Variants in GPAT2 observed in about 807,000 individuals in gnomAD.
GPAT2 encodes the protein glycerol-3-phosphate acyltransferase 2, mitochondrial.
In GPAT2, 51 loss-of-function variants were observed where a neutral mutation model predicts 71.0. The ratio of observed to expected loss-of-function variants is 0.72; its 90% CI spans 0.57 to 0.91. The LOEUF (loss-of-function observed/expected upper bound fraction) is 0.91, where lower values mean the gene tolerates loss of function less well. Among genes scored for constraint, GPAT2 ranks in the 40% least tolerant of loss-of-function variants. The pLI is 0.00. For missense variants in GPAT2, 511 were observed against 666.0 expected (o/e 0.77, Z 2.56); for synonymous variants, 222 against 290.3 (o/e 0.76, Z 2.39).
chr2:96,025,742 C>T, intron 12 of GPAT2, 139 bp from the exon 13 acceptor site: 1 of 1,417,990 alleles, frequency 7.1e-7, no homozygotes, highest in Non-Finnish European at 9.7e-7. Flanking sequence ...ACCCCCAGTC[C>T]CATCCAGGCC....
chr2:96,023,100 C>A lies in GPAT2; in HGVS notation c.2167+6G>T. The A allele has an allele frequency of 6.2e-7, 1 of 1,613,190 alleles. No homozygotes were observed. Among genetic ancestry groups the A allele is most frequent in the Non-Finnish European group, 8.5e-7 (1 of 1,179,288 alleles). On this transcript the variant is annotated splice_donor_region_variant and intron_variant, in intron 19 of 21. Coordinates refer to ENST00000434632, the MANE Select transcript of GPAT2 (RefSeq NM_001321527.2). The stretch of plus-strand genomic sequence containing the variant: ...CTCGAGGACTGCAAGGGAACAAGGG[C>A]CTCACCAGTATCGGGCAGCTGGCCC...
In GPAT2 at chr2:96,025,369, T is replaced by C. The variant is rs72823969; in HGVS notation, c.1357+116A>G. 11,953 of 1,352,134 alleles carry C rather than the reference T, an allele frequency of 8.8e-3. 92 individuals carry two copies. The highest frequency in any genetic ancestry group is 9.5e-3 in the Non-Finnish European group (9,622 of 1,011,928). The allele number at this position is 1,352,134 out of a possible 1,614,324, so 83.8% of individuals were successfully genotyped here. On this transcript the variant is annotated intron_variant, in intron 13 of 21. Transcript: ENST00000434632. The stretch of plus-strand genomic sequence containing the variant: ...TTCTTCTTCAGATGTCCCCAAGGTA[T>C]CACAGAGCACCTCAGGTGCAGACAC...
In GPAT2 at chr2:96,032,310, G is replaced by C; in HGVS notation, c.50C>G (p.Pro17Arg). Residue 17 changes from proline to arginine, a missense_variant, in exon 2 of 22, where the codon CCC becomes CGC. Physicochemically the swap from Pro to Arg is moderately radical, Grantham distance 103 (BLOSUM62 -2). Transcript: ENST00000434632. ...GAGCCACATTACCTCTCGGCCACTGGGGCTGCTCCTTGGCTGAGTTTGGCA... is the reference window on the plus strand; with the variant it reads ...GAGCCACATTACCTCTCGGCCACTGCGGCTGCTCCTTGGCTGAGTTTGGCA... ...GRCQTQPRSS[P>R]SGREASLWSS... is the part of the protein sequence containing the mutation. 6.6e-7 allele frequency: 1 copy of C among 1,518,958 alleles called. No individual in the cohort carries two copies. Among genetic ancestry groups the C allele is most frequent in the Non-Finnish European group, 9.0e-7 (1 of 1,109,938 alleles). The allele number at this position is 1,518,958 out of a possible 1,614,324, so 94.1% of individuals were successfully genotyped here.
At chr2:96,026,123 G>A (rs1680377907) in intron 11 of GPAT2, 60 bp downstream of exon 11, 2 of 1,575,586 alleles carry the variant, frequency 1.3e-6, no homozygotes, top group South Asian at 2.3e-5. Context: ...GGGCCAGGCT[G>A]CCAGGATGCC....
intron 1 of GPAT2, among the ~76,000 whole-genome samples, chr2:96,034,125 A>G (rs1680883153): frequency 7.4e-6 from 1 of 135,852 alleles, no homozygotes; most frequent in African/African-American, 2.7e-5. Flanking sequence ...TGACTACACA[A>G]CGTGCTAAAA....
intron 12 of GPAT2, 84 bp downstream of exon 12, chr2:96,025,846 G>C: frequency 3.7e-6 from 5 of 1,340,258 alleles, no homozygotes; most frequent in Non-Finnish European, 5.3e-6. Context: ...AGGGCTGCTA[G>C]TGTGTGTATA....
chr2:96,023,372 C>A lies in GPAT2; in HGVS notation c.1983G>T (p.Pro661=). ...TGTCACTATCAGTAAAGTCCCCACTCGGTTTCCACAGCAGCTTTCTGCTCA... is the reference window on the plus strand; with the variant it reads ...TGTCACTATCAGTAAAGTCCCCACTAGGTTTCCACAGCAGCTTTCTGCTCA... ...QRLSRKLLWK[P]SGDFTDSDSD... is the part of the protein sequence containing the mutation. The change falls in exon 18 of 22, where the codon CCG becomes CCT. Residue 661 remains proline (P), a synonymous_variant. Transcript: ENST00000434632. 6.2e-7 allele frequency: 1 copy of A among 1,614,204 alleles called. No individual in the cohort carries two copies. The highest frequency in any genetic ancestry group is 8.5e-7 in the Non-Finnish European group (1 of 1,180,024).
chr2:96,022,515 T>C (rs1221854182), intron 21 of GPAT2, among the ~76,000 whole-genome samples, 153 bp downstream of exon 21: 1 of 152,174 alleles, frequency 6.6e-6, no homozygotes, highest in Non-Finnish European at 1.5e-5. Flanking sequence ...TCACCAAATC[T>C]GTTGCTGGAA....
At chr2:96,022,842 G>T (rs1403476279) in intron 20 of GPAT2, 116 bp downstream of exon 20, 1 of 1,612,500 alleles carries the variant, frequency 6.2e-7, no homozygotes, top group African/African-American at 1.3e-5. Flanking sequence ...CTGGACAGAA[G>T]ACTGTACTCT....
chr2:96,022,717 G>A lies in GPAT2; in HGVS notation c.2240C>T (p.Ala747Val), dbSNP rs768902575. ...TAQEEGIFEC[A>V]DPKLAISAVW... ...AGCACTGATGGCGAGCTTTGGGTCCGCACACTCTGGAAAGAAGAGAGAAGT... is the reference window on the plus strand; with the variant it reads ...AGCACTGATGGCGAGCTTTGGGTCCACACACTCTGGAAAGAAGAGAGAAGT... The change falls in exon 21 of 22, where the codon GCG becomes GTG. Residue 747 changes from alanine to valine, a missense_variant. By Grantham distance (64) the Ala-to-Val change is moderately conservative. Coordinates refer to ENST00000434632, the MANE Select transcript of GPAT2 (RefSeq NM_001321527.2). 1.1e-5 allele frequency: 17 copies of A among 1,613,834 alleles called. No individual in the cohort carries two copies. Among genetic ancestry groups the A allele is most frequent in the African/African-American group, 9.3e-5 (7 of 74,900 alleles).
chr2:96,025,922 G>C lies in GPAT2; in HGVS notation c.1238+8C>G. ...GCCCCCTGAGACCCCACGCTCCTGTGCCCCTACCATTGGCCCAGCACGATG... is the reference window on the plus strand; with the variant it reads ...GCCCCCTGAGACCCCACGCTCCTGTCCCCCTACCATTGGCCCAGCACGATG... On this transcript the variant is annotated splice_region_variant and intron_variant, in intron 12 of 21. Coordinates refer to ENST00000434632, the MANE Select transcript of GPAT2 (RefSeq NM_001321527.2). 1 of 1,611,672 alleles carries C rather than the reference G, an allele frequency of 6.2e-7. No homozygotes were observed. The highest frequency in any genetic ancestry group is 1.1e-5 in the South Asian group (1 of 90,992).
chr2:96,022,640 A>G, intron 21 of GPAT2, 28 bp downstream of exon 21: 1 of 1,612,378 alleles, frequency 6.2e-7, no homozygotes, highest in South Asian at 1.1e-5. Context: ...GCAGGGGGAC[A>G]GAAGATGGTG....
chr2:96,023,686 G>A (rs1679999613), intron 17 of GPAT2: 3 of 761,468 alleles, frequency 3.9e-6, no homozygotes, highest in Non-Finnish European at 6.3e-6. Context: ...GAACCTCAGA[G>A]GCACACATGT....
At position 96,024,596 on chromosome 2, in the gene GPAT2, C is replaced by G. The variant is rs1342967530; in HGVS notation, c.1518G>C (p.Gln506His). 1 of 1,613,904 alleles carries G rather than the reference C, an allele frequency of 6.2e-7. No individual in the cohort carries two copies. The highest frequency in any genetic ancestry group is 1.1e-5 in the South Asian group (1 of 91,088). ...GTGAGTGCTGCAGCAGGCTCCGCAG[C>G]TGCCCAGAGAAGCCTACATCAAAGC... Reference protein sequence around the residue: ...LRGFDVGFSGQLRSLLQHSLS... With the variant: ...LRGFDVGFSGHLRSLLQHSLS... Residue 506 changes from glutamine to histidine, a missense_variant, in exon 15 of 22, where the codon CAG becomes CAC. Gln to His is a conservative substitution (Grantham distance 24). Coordinates refer to ENST00000434632, the MANE Select transcript of GPAT2 (RefSeq NM_001321527.2).
chr2:96,022,790 C>T, intron 20 of GPAT2, 67 bp from the exon 21 acceptor site: 3 of 1,613,948 alleles, frequency 1.9e-6, no homozygotes, highest in Non-Finnish European at 1.7e-6. Context: ...ACAGGCTTCT[C>T]TCCTCTTGTT....
At chr2:96,031,993 C>G (rs1168032184) in intron 3 of GPAT2, 40 bp downstream of exon 3, 2 of 1,478,842 alleles carry the variant, frequency 1.4e-6, no homozygotes, top group African/African-American at 3.0e-5. Flanking sequence ...GCTCCCAGAA[C>G]CAAGCTTCCT....
intron 10 of GPAT2, 32 bp from the exon 11 acceptor site, chr2:96,026,337 C>A: frequency 2.0e-6 from 3 of 1,464,972 alleles, no homozygotes; most frequent in Non-Finnish European, 2.7e-6. Context: ...CTATACTCGC[C>A]GAGGACACTG....
chr2:96,023,132 A>G lies in GPAT2; in HGVS notation c.2141T>C (p.Leu714Pro), dbSNP rs1679886663. Residue 714 changes from leucine to proline, a missense_variant, in exon 19 of 22, where the codon CTC becomes CCC. Physicochemically the swap from Leu to Pro is moderately conservative, Grantham distance 98. This residue lies in a region of GPAT2 where 108 missense variants were observed against 117.6 expected (regional missense o/e 0.92). Transcript: ENST00000434632. ...LKAFAQAAAFLRQGQLPDTEL... is the reference protein window; with the variant it reads ...LKAFAQAAAFPRQGQLPDTEL... The stretch of plus-strand genomic sequence containing the variant: ...AGTATCGGGCAGCTGGCCCTGGCGG[A>G]GGAAGGCGGCAGCCTGTGCAAAGGC... 6.2e-7 allele frequency: 1 copy of G among 1,609,586 alleles called. No individual in the cohort carries two copies. Among genetic ancestry groups the G allele is most frequent in the African/African-American group, 1.3e-5 (1 of 74,812 alleles).
At position 96,026,167 on chromosome 2, in the gene GPAT2, C is replaced by T. The variant is rs748423298; in HGVS notation, c.1155+16G>A. The T allele has an allele frequency of 1.3e-6, 2 of 1,594,410 alleles. No homozygotes were observed. Among genetic ancestry groups the T allele is most frequent in the Admixed American group, 3.4e-5 (2 of 58,602 alleles). On this transcript the variant is annotated intron_variant, in intron 11 of 21. Coordinates refer to ENST00000434632, the MANE Select transcript of GPAT2 (RefSeq NM_001321527.2). The stretch of plus-strand genomic sequence containing the variant: ...ACACCCCAGGTACTCCCAGCCTTCC[C>T]CAGCTGGCTCCATACCTGCAGGGAA...
Sources: allele counts gnomAD v4.1 joint callset (sites outside exome capture counted in the v4.1 genomes callset), GRCh38; gene constraint gnomAD v4.1.1; regional missense constraint gnomAD v4.1.1; transcripts MANE v1.5; gene names NCBI Gene and HGNC (gene_info 2026-07-23, HGNC 2026-07-21).